DSP: variants seen among roughly 807,000 people sequenced by gnomAD.
DSP encodes 250/210 kDa paraneoplastic pemphigus antigen.
DSP carries 114 observed loss-of-function variants against 290.6 expected under a neutral mutation model. The observed-to-expected ratio is 0.39, with a 90% CI of 0.34 to 0.46. The LOEUF (loss-of-function observed/expected upper bound fraction) is 0.46, where lower values mean the gene tolerates loss of function less well. Ranked by LOEUF, DSP falls within the 20% of genes least tolerant of loss-of-function variation. The pLI, the probability that DSP is intolerant of heterozygous loss-of-function variation, is 0.99. For missense variants in DSP, 3,230 were observed against 3,495.8 expected (o/e 0.92, Z 1.92); for synonymous variants, 1,311 against 1,316.4 (o/e 1.00, Z 0.09).
chr6:7,562,515 A>G, intron 4 of DSP, 137 bp from the exon 5 acceptor site: 2 of 1,517,362 alleles, frequency 1.3e-6, no homozygotes, highest in Non-Finnish European at 1.8e-6. Context: ...GAACCTTTAA[A>G]AAATATTCTG....
chr6:7,543,134 C>T (rs1231897849), intron 1 of DSP, among the ~76,000 whole-genome samples: 2 of 152,144 alleles, frequency 1.3e-5, no homozygotes, highest in African/African-American at 4.8e-5. Flanking sequence ...CCACGTGAGC[C>T]GTGCGCGTTT....
At chr6:7,562,155 A>G (rs891125803) in intron 4 of DSP, among the ~76,000 whole-genome samples, 1 of 152,226 alleles carries the variant, frequency 6.6e-6, no homozygotes, top group African/African-American at 2.4e-5. Flanking sequence ...TAAAAAGCCA[A>G]TAATTACATC....
Position 7,586,012 on chromosome 6 carries a change from T to C in DSP, c.*134T>C. 1 of 934,386 alleles carries C rather than the reference T, an allele frequency of 1.1e-6. No homozygotes were observed. The allele number at this position is 934,386 out of a possible 1,614,324, so 57.9% of individuals were successfully genotyped here. On this transcript the variant is annotated 3_prime_UTR_variant, in exon 24 of 24. Coordinates refer to ENST00000379802, the MANE Select transcript of DSP (RefSeq NM_004415.4). ...TCTATGCTTACAGAAAATATAGCCA[T>C]GATTGAAATCAAATAGTAAAGGCTG...
At position 7,566,457 on chromosome 6, in the gene DSP, G is replaced by C; in HGVS notation, c.1020G>C (p.Gln340His). ...KQESDQLVLN[Q>H]HPASDKIEAY... is the part of the protein sequence containing the mutation. ...AAAGTGACCAACTTGTCCTCAATCAGCATCCAGCTTCAGACAAAATTGAGG... is the reference window on the plus strand; with the variant it reads ...AAAGTGACCAACTTGTCCTCAATCACCATCCAGCTTCAGACAAAATTGAGG... Residue 340 changes from glutamine (Q) to histidine (H), a missense_variant, in exon 8 of 24, where the codon CAG becomes CAC. Gln to His is a conservative substitution (Grantham distance 24, BLOSUM62 0). Around this residue, in one of 5 missense-constraint regions of DSP, gnomAD observed 646 missense variants for 684.3 expected, o/e 0.94. Coordinates refer to ENST00000379802, the MANE Select transcript of DSP (RefSeq NM_004415.4). The C allele has an allele frequency of 6.2e-7, 1 of 1,613,630 alleles. No individual in the cohort carries two copies. The highest frequency in any genetic ancestry group is 8.5e-7 in the Non-Finnish European group (1 of 1,179,940).
chr6:7,574,554 T>C (rs900206158), intron 16 of DSP, 103 bp from the exon 17 acceptor site: 12 of 1,529,242 alleles, frequency 7.8e-6, no homozygotes, highest in African/African-American at 5.5e-5. Context: ...TAAATTTTTA[T>C]CTGCTTTGAC....
chr6:7,555,016 G>A (rs7774328), intron 1 of DSP, among the ~76,000 whole-genome samples: 3 of 151,928 alleles, frequency 2.0e-5, no homozygotes, highest in African/African-American at 7.3e-5. Flanking sequence ...CGACTTGCCA[G>A]TGAAATCTTC....
Position 7,579,694 on chromosome 6 carries a change from G to A in DSP, c.3504G>A (p.Glu1168=). Residue 1168 remains glutamate (E), a synonymous_variant, in exon 23 of 24, where the codon GAG becomes GAA. Coordinates refer to ENST00000379802, the MANE Select transcript of DSP (RefSeq NM_004415.4). This position sits in a 1 kb window ranked among gnomAD's most constrained non-coding sequence, Gnocchi z 4.1. ...CTGAGAAAGCCATCAAGGAGAAGGA[G>A]TACGAGATTGAAAGGTTGAGGGTTC... is the stretch of plus-strand genomic sequence containing the variant. ...LESEKAIKEK[E]YEIERLRVLL... is the part of the protein sequence containing the mutation. The A allele has an allele frequency of 6.2e-7, 1 of 1,613,802 alleles. No homozygotes were observed. Among genetic ancestry groups the A allele is most frequent in the Non-Finnish European group, 8.5e-7 (1 of 1,179,864 alleles).
intron 1 of DSP, among the ~76,000 whole-genome samples, chr6:7,546,288 A>G (rs140894287): frequency 1.3e-3 from 197 of 152,364 alleles, no homozygotes; most frequent in African/African-American, 4.5e-3. Context: ...CTCATAGCGT[A>G]GATAGTCTAA....
In DSP at chr6:7,579,870, A is replaced by G. The variant is rs1458557680; in HGVS notation, c.3680A>G (p.Gln1227Arg). ...TKTTIKEISM[Q>R]KEDDSKNLRN... ...ACCACCATCAAGGAGATATCCATGC[A>G]AAAAGAGGATGATTCCAAAAATCTT... Residue 1227 changes from glutamine (Q) to arginine (R), a missense_variant, in exon 23 of 24, where the codon CAA (glutamine) becomes CGA (arginine). Physicochemically the swap from Gln to Arg is conservative, Grantham distance 43. Around this residue, in one of 5 missense-constraint regions of DSP, gnomAD observed 1,714 missense variants for 1,844.5 expected, o/e 0.93. Transcript: ENST00000379802. This position sits in a 1 kb window ranked among gnomAD's most constrained non-coding sequence, Gnocchi z 4.1. 2 of 1,614,096 alleles carry G rather than the reference A, an allele frequency of 1.2e-6. No homozygotes were observed. Among genetic ancestry groups the G allele is most frequent in the African/African-American group, 2.7e-5 (2 of 74,944 alleles).
intron 19 of DSP, 61 bp downstream of exon 19, chr6:7,576,517 T>C: frequency 6.2e-7 from 1 of 1,603,044 alleles, no homozygotes; most frequent in Non-Finnish European, 8.5e-7. Context: ...ATTCATGTTT[T>C]CCTCTGGTTT....
At position 7,583,018 on chromosome 6, in the gene DSP, A is replaced by T; in HGVS notation, c.5756A>T (p.Asp1919Val). The T allele has an allele frequency of 6.2e-7, 1 of 1,614,150 alleles. No homozygotes were observed. Among genetic ancestry groups the T allele is most frequent in the Non-Finnish European group, 8.5e-7 (1 of 1,180,018 alleles). Residue 1919 changes from aspartate (D) to valine (V), a missense_variant, in exon 24 of 24, where the codon GAT becomes GTT. By Grantham distance (152) the Asp-to-Val change is radical. This residue lies in a region of DSP where 1,714 missense variants were observed against 1,844.5 expected (regional missense o/e 0.93). Transcript: ENST00000379802. This position sits in a 1 kb window ranked among gnomAD's most constrained non-coding sequence, Gnocchi z 4.0. ...IEERCRRKLE[D>V]STRETQSQLE... ...GAGAGGTGCAGGCGTAAGCTGGAGG[A>T]TTCTACCAGGGAGACACAGTCACAG...
rs762909119 is a variant in DSP at position 7,574,669 on chromosome 6, A to C, written c.2310A>C (p.Val770=). The C allele has an allele frequency of 3.7e-6, 6 of 1,613,952 alleles. No individual in the cohort carries two copies. The African/African-American group carries it at 8.0e-5, about 22-fold the overall frequency. Residue 770 remains valine, a synonymous_variant, in exon 17 of 24, where the codon GTA becomes GTC. Coordinates refer to ENST00000379802, the MANE Select transcript of DSP (RefSeq NM_004415.4). ...TTGCTCTTTCCAGCTTATGCACAGT[A>C]AGGGCACTGCTCCAGGCTATTCTCC... ...TDGYLNSLCT[V]RALLQAILQT...
At chr6:7,558,364 G>C in intron 3 of DSP, 100 bp downstream of exon 3, 1 of 1,495,244 alleles carries the variant, frequency 6.7e-7, no homozygotes, top group Non-Finnish European at 9.1e-7. Flanking sequence ...TTTGAAGGCA[G>C]CACAAATGTT....
At position 7,579,529 on chromosome 6, in the gene DSP, A is replaced by C; in HGVS notation, c.3339A>C (p.Arg1113=). Reference sequence around the variant, plus strand: ...AAGAACTCAATGAGAAGATCACCCGACTGACTTATGAGATTGAAGATGAAA... The same window carrying C: ...AAGAACTCAATGAGAAGATCACCCGCCTGACTTATGAGATTGAAGATGAAA... ...QIKELNEKIT[R]LTYEIEDEKR... The change falls in exon 23 of 24, where the codon CGA becomes CGC. Residue 1113 remains arginine (R), a synonymous_variant. Coordinates refer to ENST00000379802, the MANE Select transcript of DSP (RefSeq NM_004415.4). This position sits in a 1 kb window ranked among gnomAD's most constrained non-coding sequence, Gnocchi z 4.1. 2 of 1,613,984 alleles carry C rather than the reference A, an allele frequency of 1.2e-6. No individual in the cohort carries two copies. The highest frequency in any genetic ancestry group is 1.7e-6 in the Non-Finnish European group (2 of 1,180,034).
chr6:7,582,733 A>T lies in DSP; in HGVS notation c.5471A>T (p.Gln1824Leu). Residue 1824 changes from glutamine to leucine, a missense_variant, in exon 24 of 24, where the codon CAA becomes CTA. Around this residue, in one of 5 missense-constraint regions of DSP, gnomAD observed 1,714 missense variants for 1,844.5 expected, o/e 0.93. Coordinates refer to ENST00000379802, the MANE Select transcript of DSP (RefSeq NM_004415.4). This position sits in a 1 kb window ranked among gnomAD's most constrained non-coding sequence, Gnocchi z 4.2. The stretch of plus-strand genomic sequence containing the variant: ...CTGGTGAAAATCAAAGTCCTGGAGC[A>T]AGACAAGGCAAGGCTGCAGAGGCTG... ...SLLVKIKVLE[Q>L]DKARLQRLED... 6.2e-7 allele frequency: 1 copy of T among 1,613,722 alleles called. No individual in the cohort carries two copies. The highest frequency in any genetic ancestry group is 8.5e-7 in the Non-Finnish European group (1 of 1,179,774).
At position 7,556,567 on chromosome 6, in the gene DSP, A is replaced by G. The variant is rs146913433; in HGVS notation, c.273+747A>G. On this transcript the variant is annotated intron_variant, in intron 2 of 23. Coordinates refer to ENST00000379802, the MANE Select transcript of DSP (RefSeq NM_004415.4). Reference sequence around the variant, plus strand: ...ATGCCGACACTGGTATCAAGGTTACATCTGGCATCTGCCTCTTCACAAAGT... The same window carrying G: ...ATGCCGACACTGGTATCAAGGTTACGTCTGGCATCTGCCTCTTCACAAAGT... Among the ~76,000 whole-genome samples, 341 of 152,350 alleles carry G rather than the reference A, an allele frequency of 2.2e-3. 1 individual carries two copies. The highest frequency in any genetic ancestry group is 7.7e-3 in the African/African-American group (322 of 41,586).
In DSP at chr6:7,558,507, CTTTTTTTTTTTTTTTT is replaced by C. The variant is rs145193988; in HGVS notation, c.422+253_422+268del. On this transcript the variant is annotated intron_variant, in intron 3 of 23. Coordinates refer to ENST00000379802, the MANE Select transcript of DSP (RefSeq NM_004415.4). ...GAAAGCCCTTTGGCATGGCATTTGACTTTTTTTTTTTTTTTTTTTTTTTTTGAGACAGGGTCTCGCT... is the reference window on the plus strand; with the variant it reads ...GAAAGCCCTTTGGCATGGCATTTGACTTTTTTTTTGAGACAGGGTCTCGCT... Among the ~76,000 whole-genome samples the C allele has an allele frequency of 9.8e-3, 1,022 of 104,606 alleles. 19 individuals carry two copies. In the East Asian group the frequency reaches 0.1, roughly 10 times the overall value. 68.6% of individuals were successfully genotyped at this position (104,606 alleles called of 152,430 possible).
intron 1 of DSP, among the ~76,000 whole-genome samples, chr6:7,542,370 C>T (rs949770524): frequency 2.0e-5 from 3 of 152,144 alleles, no homozygotes; most frequent in African/African-American, 7.2e-5. Flanking sequence ...GGGGCTGTCC[C>T]CTGCCTGCTG....
intron 18 of DSP, 92 bp from the exon 19 acceptor site, chr6:7,576,202 G>T (rs1759234672): frequency 7.3e-7 from 1 of 1,372,694 alleles, no homozygotes; most frequent in African/African-American, 1.4e-5. Flanking sequence ...CAGTTTTCTT[G>T]GGTATATATC....
Sources: gnomAD v4.1 joint callset for allele counts (sites outside exome capture counted in the v4.1 genomes callset) on GRCh38, gnomAD v4.1.1 for gene constraint, gnomAD v4.1.1 regional missense constraint, Gnocchi (gnomAD v3.1) non-coding constraint, MANE v1.5 for transcripts, NCBI Gene and HGNC (gene_info 2026-07-23, HGNC 2026-07-21) for gene names.